The following DPP6 variants were observed in gnomAD, a reference collection of about 807,000 sequenced individuals.
DPP6 encodes A-type potassium channel modulatory protein DPP6.
Under a neutral mutation model 122.6 loss-of-function variants are expected in DPP6, and 69 were observed. The observed-to-expected ratio is 0.56, with a 90% CI of 0.46 to 0.69. The LOEUF (loss-of-function observed/expected upper bound fraction) is 0.69, where lower values mean the gene tolerates loss of function less well. DPP6 is among the 30% of genes least tolerant of loss of function. DPP6 has a pLI of 0.00. For synonymous variants in DPP6, 418 were observed against 433.1 expected (o/e 0.97, Z 0.43); for missense variants, 928 against 1,116.9 (o/e 0.83, Z 2.41).
intron 1 of DPP6, among the ~76,000 whole-genome samples, chr7:154,436,242 C>T (rs560021473): frequency 2.0e-5 from 3 of 150,824 alleles, no homozygotes; most frequent in East Asian, 1.9e-4. Context: ...GGATGCTTCA[C>T]GCCTCACTCC....
chr7:154,140,962 A>G (rs1172967645), intron 1 of DPP6, among the ~76,000 whole-genome samples: 6 of 152,312 alleles, frequency 3.9e-5, no homozygotes, highest in Middle Eastern at 3.4e-3. Flanking sequence ...AGAAGTCTAT[A>G]AATTTTCTGT....
chr7:154,248,466 G>C (rs778800118), intron 1 of DPP6, among the ~76,000 whole-genome samples: 11 of 152,124 alleles, frequency 7.2e-5, no homozygotes, highest in Middle Eastern at 3.2e-3. Flanking sequence ...GAATTGACTT[G>C]TCAGGGGAAA....
chr7:153,929,116 G>A (rs1801057400), intron 1 of DPP6, among the ~76,000 whole-genome samples: 1 of 152,128 alleles, frequency 6.6e-6, no homozygotes, highest in African/African-American at 2.4e-5. Flanking sequence ...AGGTTTGATG[G>A]GACTGCCCTG....
At position 154,691,449 on chromosome 7, in the gene DPP6, G is replaced by A. The variant is rs144363902; in HGVS notation, c.762+22008G>A. 1.4e-4 allele frequency among the ~76,000 whole-genome samples: 21 copies of A among 152,228 alleles called. No individual in the cohort carries two copies. The East Asian group carries it at 4.0e-3, about 29-fold the overall frequency. On this transcript the variant is annotated intron_variant, in intron 7 of 25. Transcript: ENST00000377770. ...TTACTTCACTGCAAAGAATACTGGT[G>A]TTCCATTTATAGTAGTAATACAAAA...
chr7:154,367,648 T>C (rs1812296589), intron 1 of DPP6, among the ~76,000 whole-genome samples: 1 of 152,226 alleles, frequency 6.6e-6, no homozygotes, highest in Non-Finnish European at 1.5e-5. Flanking sequence ...TTTTAAAAAG[T>C]CTGACAGGAA....
intron 5 of DPP6, among the ~76,000 whole-genome samples, chr7:154,589,599 A>C (rs1832683371): frequency 6.6e-6 from 1 of 152,210 alleles, no homozygotes. Context: ...GAGCATGGGG[A>C]ATGTGGCTGG....
chr7:154,464,466 T>C (rs1275676249), intron 2 of DPP6, among the ~76,000 whole-genome samples: 1 of 152,226 alleles, frequency 6.6e-6, no homozygotes, highest in African/African-American at 2.4e-5. Flanking sequence ...GAATAGTTGT[T>C]CAATTGGTGT....
intron 16 of DPP6, among the ~76,000 whole-genome samples, chr7:154,820,034 C>A (rs1799660937): frequency 6.6e-6 from 1 of 152,174 alleles, no homozygotes; most frequent in Admixed American, 6.5e-5. Context: ...AAGCCAAGGC[C>A]CCAAGCACTG....
At chr7:154,098,539 C>T (rs71532621) in intron 1 of DPP6, among the ~76,000 whole-genome samples, 1 of 151,868 alleles carries the variant, frequency 6.6e-6, no homozygotes, top group African/African-American at 2.4e-5. Context: ...GAAACAAAGA[C>T]TTTGTCTAAC....
At chr7:154,613,610 ACT>A (rs1834040699) in intron 5 of DPP6, among the ~76,000 whole-genome samples, 1 of 114,808 alleles carries the variant, frequency 8.7e-6, no homozygotes, top group Admixed American at 1.1e-4. Flanking sequence ...CAAGAGCGAG[ACT>A]CTGTCTCAAA....
the DPP6 span, among the ~76,000 whole-genome samples, chr7:153,861,723 C>T: frequency 6.6e-6 from 1 of 152,116 alleles, no homozygotes; most frequent in South Asian, 2.1e-4. Context: ...CTTCCCAGCA[C>T]CAAGATAAAG....
At chr7:154,259,488 C>A (rs62485812) in intron 1 of DPP6, among the ~76,000 whole-genome samples, 22,987 of 152,108 alleles carry the variant, frequency 0.15, 2,260 homozygotes, top group Non-Finnish European at 0.22. Flanking sequence ...AAGAAATGAC[C>A]TAAGCAAAGT....
intron 3 of DPP6, among the ~76,000 whole-genome samples, chr7:154,499,434 C>A (rs34249845): frequency 0.13 from 19,616 of 152,080 alleles, 1,947 homozygotes; most frequent in African/African-American, 0.27. Context: ...ATAGGTGTGC[C>A]TGCAGTCACT....
intron 1 of DPP6, among the ~76,000 whole-genome samples, chr7:154,314,010 C>A (rs185890266): frequency 2.0e-5 from 3 of 151,880 alleles, no homozygotes; most frequent in Admixed American, 2.0e-4. Context: ...GCTGTAACAA[C>A]GTCTCAAAAG....
chr7:153,920,561 C>CTTTTT (rs1489811189), intron 1 of DPP6, among the ~76,000 whole-genome samples: 1,554 of 61,906 alleles, frequency 0.025, no homozygotes, highest in East Asian at 0.042. Context: ...TTTTATCTCT[C>CTTTTT]TCTTTTTTTT....
chr7:154,433,828 G>C (rs1818647990), intron 1 of DPP6, among the ~76,000 whole-genome samples: 1 of 152,130 alleles, frequency 6.6e-6, no homozygotes. Flanking sequence ...TTTCCTTACA[G>C]GTCCAACTTT....
At chr7:154,757,801 A>T (rs1399603946) in intron 8 of DPP6, among the ~76,000 whole-genome samples, 1 of 152,178 alleles carries the variant, frequency 6.6e-6, no homozygotes, top group Non-Finnish European at 1.5e-5. Context: ...CCCTGTTACC[A>T]CAGGGGTGTT....
intron 1 of DPP6, among the ~76,000 whole-genome samples, chr7:154,056,567 C>T (rs1163806584): frequency 1.3e-5 from 2 of 152,064 alleles, no homozygotes; most frequent in Non-Finnish European, 2.9e-5. Context: ...TTCCTGTATC[C>T]TTCATTTTCA....
chr7:154,715,666 A>G (rs1054105704), intron 7 of DPP6, among the ~76,000 whole-genome samples: 7 of 152,216 alleles, frequency 4.6e-5, no homozygotes, highest in African/African-American at 1.7e-4. Flanking sequence ...CCACCTGATG[A>G]AAATTGATGT....
Sources: gnomAD v4.1 joint callset for allele counts (sites outside exome capture counted in the v4.1 genomes callset) on GRCh38, gnomAD v4.1.1 for gene constraint, MANE v1.5 for transcripts, NCBI Gene and HGNC (gene_info 2026-07-23, HGNC 2026-07-21) for gene names.